The following HYAL4 variants were observed in gnomAD, a reference collection of about 807,000 sequenced individuals.
The protein encoded by HYAL4 is hyaluronidase 4, also known as hyaluronidase-4.
In HYAL4, 37 loss-of-function variants were observed where a neutral mutation model predicts 35.2. That is an observed-to-expected ratio of 1.05 (90% CI 0.81 to 1.38). The LOEUF is 1.38. HYAL4 is among the 40% of genes most tolerant of loss of function. HYAL4 has a pLI of 0.00. For synonymous variants in HYAL4, 198 were observed against 203.2 expected (o/e 0.97, Z 0.22); for missense variants, 572 against 572.4 (o/e 1.00, Z 0.01).
chr7:123,872,501 G>A (rs1050165750), intron 3 of HYAL4, among the ~76,000 whole-genome samples: 1 of 152,236 alleles, frequency 6.6e-6, no homozygotes, highest in Admixed American at 6.5e-5. Flanking sequence ...TGACACCGAA[G>A]TGTTGAGTGA....
chr7:123,859,533 C>A (rs1002370233), intron 2 of HYAL4, among the ~76,000 whole-genome samples: 1 of 152,148 alleles, frequency 6.6e-6, no homozygotes, highest in Non-Finnish European at 1.5e-5. Flanking sequence ...AGAGCCTTAA[C>A]TTAAAGCTCT....
At chr7:123,858,166 C>T (rs1338706169) in intron 2 of HYAL4, among the ~76,000 whole-genome samples, 2 of 152,158 alleles carry the variant, frequency 1.3e-5, no homozygotes, top group African/African-American at 4.8e-5. Flanking sequence ...CACTACACTT[C>T]AGCCTATCTC....
chr7:123,772,213 CTCCAATATGTTTATATATT>C, the HYAL4 span, among the ~76,000 whole-genome samples: 3 of 152,096 alleles, frequency 2.0e-5, no homozygotes, highest in African/African-American at 7.2e-5. Flanking sequence ...AAGTTCAAAG[CTCCAATATGTTTATATATT>C]TCCTACTGGT....
the HYAL4 span, among the ~76,000 whole-genome samples, chr7:123,780,164 G>T: frequency 6.6e-6 from 1 of 151,850 alleles, no homozygotes; most frequent in African/African-American, 2.4e-5. Flanking sequence ...AATGTGACAG[G>T]TTTTGTGCTA....
At chr7:123,819,040 C>T in the HYAL4 span, among the ~76,000 whole-genome samples, 1 of 152,130 alleles carries the variant, frequency 6.6e-6, no homozygotes, top group South Asian at 2.1e-4. Flanking sequence ...ACTTATTCCT[C>T]CTATCTAATT....
At chr7:123,841,628 T>G (rs559950692), upstream of HYAL4, among the ~76,000 whole-genome samples, 2 of 152,030 alleles carry the variant, frequency 1.3e-5, no homozygotes, top group Non-Finnish European at 2.9e-5. Context: ...GTCCTGGACT[T>G]TTTTTTGGTT....
chr7:123,833,573 C>CT (rs1805917221), intron 1 of HYAL4, among the ~76,000 whole-genome samples: 1 of 152,110 alleles, frequency 6.6e-6, no homozygotes, highest in Middle Eastern at 3.2e-3. Flanking sequence ...TGCAAAATCT[C>CT]TTTAGTTTAA....
chr7:123,821,673 T>C, the HYAL4 span, among the ~76,000 whole-genome samples: 1 of 152,316 alleles, frequency 6.6e-6, no homozygotes, highest in Admixed American at 6.5e-5. Context: ...CCATGTTTCT[T>C]TTTGTTGCCT....
At chr7:123,823,611 G>T in the HYAL4 span, among the ~76,000 whole-genome samples, 1 of 151,606 alleles carries the variant, frequency 6.6e-6, no homozygotes, top group East Asian at 1.9e-4. Flanking sequence ...TTGGATTAAT[G>T]ATTCAGTCTC....
the HYAL4 span, among the ~76,000 whole-genome samples, chr7:123,774,175 A>G: frequency 2.4e-3 from 370 of 152,216 alleles, 3 homozygotes; most frequent in African/African-American, 8.3e-3. Context: ...AGCTGAGACT[A>G]TAGGTATATA....
chr7:123,809,386 T>C, the HYAL4 span, among the ~76,000 whole-genome samples: 1 of 151,144 alleles, frequency 6.6e-6, no homozygotes, highest in Admixed American at 6.6e-5. Context: ...TTCTTTTTTT[T>C]CTTCTTCTTT....
chr7:123,863,073 G>T (rs141643247), intron 2 of HYAL4, among the ~76,000 whole-genome samples: 66 of 152,304 alleles, frequency 4.3e-4, no homozygotes, highest in African/African-American at 1.6e-3. Flanking sequence ...CTTGGGATCA[G>T]TGAGGCTTGT....
chr7:123,829,032 A>G (rs1294442666), exon 1 of HYAL4: 1 of 152,774 alleles, frequency 6.5e-6, no homozygotes, highest in East Asian at 1.9e-4. Context: ...ATCTGCAGCC[A>G]AGCTCTGCAG....
At chr7:123,855,116 T>A (rs115031850) in intron 2 of HYAL4, among the ~76,000 whole-genome samples, 6 of 152,346 alleles carry the variant, frequency 3.9e-5, no homozygotes, top group African/African-American at 1.4e-4. Flanking sequence ...GTGATGGTTC[T>A]CCTGAATACA....
At chr7:123,767,641 C>G in the HYAL4 span, among the ~76,000 whole-genome samples, 4 of 152,326 alleles carry the variant, frequency 2.6e-5, no homozygotes, top group African/African-American at 7.2e-5. Context: ...AGGTCTGGCT[C>G]TCATTGTCCT....
At chr7:123,803,415 AT>A in the HYAL4 span, among the ~76,000 whole-genome samples, 1 of 152,158 alleles carries the variant, frequency 6.6e-6, no homozygotes, top group African/African-American at 2.4e-5. Flanking sequence ...GTATACTGAT[AT>A]CTTTAATCAG....
the HYAL4 span, among the ~76,000 whole-genome samples, chr7:123,774,319 G>A: frequency 2.0e-5 from 3 of 152,264 alleles, no homozygotes; most frequent in East Asian, 1.9e-4. Flanking sequence ...GATTATAGGC[G>A]TGAGCCACCA....
At chr7:123,804,458 T>G in the HYAL4 span, among the ~76,000 whole-genome samples, 1 of 152,216 alleles carries the variant, frequency 6.6e-6, no homozygotes, top group Non-Finnish European at 1.5e-5. Context: ...TTTTGAGTAA[T>G]AAGAATAAAA....
At chr7:123,774,721 A>T in the HYAL4 span, among the ~76,000 whole-genome samples, 1 of 152,076 alleles carries the variant, frequency 6.6e-6, no homozygotes, top group East Asian at 1.9e-4. Context: ...GCTCACATAG[A>T]TCTCACCTGC....
Sources: allele counts gnomAD v4.1 joint callset (sites outside exome capture counted in the v4.1 genomes callset), GRCh38; gene constraint gnomAD v4.1.1; transcripts MANE v1.5; gene names NCBI Gene and HGNC (gene_info 2026-07-23, HGNC 2026-07-21).